BRPF3: variants seen among roughly 807,000 people sequenced by gnomAD.
BRPF3 encodes the protein bromodomain and PHD finger-containing protein 3.
Under a neutral mutation model 102.0 loss-of-function variants are expected in BRPF3, and 18 were observed. The ratio of observed to expected loss-of-function variants is 0.18; its 90% CI spans 0.12 to 0.26. The LOEUF (loss-of-function observed/expected upper bound fraction) is 0.26. Among genes scored for constraint, BRPF3 ranks in the 10% least tolerant of loss-of-function variants. BRPF3 has a pLI of 1.00. For synonymous variants in BRPF3, 570 were observed against 614.2 expected (o/e 0.93, Z 1.06); for missense variants, 1,147 against 1,567.8 (o/e 0.73, Z 4.53).
Position 36,210,213 on chromosome 6 carries a change from T to C in BRPF3, c.1867-3T>C. 2.5e-6 allele frequency: 4 copies of C among 1,614,176 alleles called. No individual in the cohort carries two copies. The highest frequency in any genetic ancestry group is 3.4e-6 in the Non-Finnish European group (4 of 1,179,994). On this transcript the variant is annotated splice_region_variant and splice_polypyrimidine_tract_variant and intron_variant, in intron 5 of 12. Transcript: ENST00000357641. This position sits in a 1 kb window ranked among gnomAD's most constrained non-coding sequence, Gnocchi z 4.7. ...TGTAATTGTACAGGTTTTATATGTT[T>C]AGGTTCCAGATTACCTGGAATTCAT... is the stretch of plus-strand genomic sequence containing the variant.
Position 36,210,428 on chromosome 6 carries a change from C to T in BRPF3, c.2079C>T (p.Ala693=). 6.2e-7 allele frequency: 1 copy of T among 1,613,312 alleles called. No homozygotes were observed. The highest frequency in any genetic ancestry group is 1.1e-5 in the South Asian group (1 of 91,076). Residue 693 remains alanine, a synonymous_variant, in exon 6 of 13, where the codon GCC becomes GCT. Coordinates refer to ENST00000357641, the MANE Select transcript of BRPF3 (RefSeq NM_015695.3). This position sits in a 1 kb window ranked among gnomAD's most constrained non-coding sequence, Gnocchi z 4.7. ...RDLGGAILRH[A]RRQAENIGYD... ...TGGGAGGGGCCATCCTACGGCACGC[C>T]CGGCGGCAGGCAGAGAACATCGGCT...
Position 36,225,346 on chromosome 6 carries a change from C to T in BRPF3, c.3261C>T (p.Tyr1087=). Residue 1087 remains tyrosine, a synonymous_variant, in exon 11 of 13, where the codon TAC becomes TAT. Transcript: ENST00000357641. Reference sequence around the variant, plus strand: ...TGGTGTGGGCCAAGTGCCGAGGCTACCCCTCCTACCCTGCCTTGGTGAGTC... The same window carrying T: ...TGGTGTGGGCCAAGTGCCGAGGCTATCCCTCCTACCCTGCCTTGGTGAGTC... ...LELVWAKCRG[Y]PSYPALIIDP... The T allele has an allele frequency of 1.2e-6, 2 of 1,610,340 alleles. No homozygotes were observed. The highest frequency in any genetic ancestry group is 1.7e-6 in the Non-Finnish European group (2 of 1,180,000).
intron 2 of BRPF3, among the ~76,000 whole-genome samples, chr6:36,202,420 C>CG (rs1554128014): frequency 1.3e-4 from 19 of 142,832 alleles, no homozygotes; most frequent in African/African-American, 3.1e-4. Context: ...ACCCCCCCCC[C>CG]CTCCGCCCCC....
At chr6:36,207,498 T>C in intron 4 of BRPF3, 54 bp downstream of exon 4, 1 of 1,598,540 alleles carries the variant, frequency 6.3e-7, no homozygotes, top group South Asian at 1.1e-5. Context: ...TTTCTCCCAC[T>C]ATTAGTCTAG....
At position 36,232,590 on chromosome 6, in the gene BRPF3, G is replaced by A. The variant is rs1047746863; in HGVS notation, c.*1981G>A. On this transcript the variant is annotated 3_prime_UTR_variant, in exon 13 of 13. Transcript: ENST00000357641. ...CCTATGTGTCTCTGTCGCGTCTGCT[G>A]TGAAGCACATGATGCTCTATTTATT... is the stretch of plus-strand genomic sequence containing the variant. 6.6e-6 allele frequency: 1 copy of A among 152,624 alleles called. No individual in the cohort carries two copies. Among genetic ancestry groups the A allele is most frequent in the Non-Finnish European group, 1.5e-5 (1 of 68,050 alleles). The allele number at this position is 152,624 out of a possible 1,614,324, so 9.5% of individuals were successfully genotyped here.
At position 36,210,341 on chromosome 6, in the gene BRPF3, C is replaced by T; in HGVS notation, c.1992C>T (p.Asn664=). 6.2e-7 allele frequency: 1 copy of T among 1,614,260 alleles called. No homozygotes were observed. Among genetic ancestry groups the T allele is most frequent in the Non-Finnish European group, 8.5e-7 (1 of 1,180,046 alleles). ...AGGACTTTAACCTTATAGTTACCAA[C>T]TGCATGAAGTATAATGCTAAAGACA... The part of the protein sequence containing the change: ...FEEDFNLIVT[N]CMKYNAKDTI... The change falls in exon 6 of 13, where the codon AAC becomes AAT. Residue 664 remains asparagine, a synonymous_variant. Coordinates refer to ENST00000357641, the MANE Select transcript of BRPF3 (RefSeq NM_015695.3). The surrounding 1 kb of genome is among the most constrained non-coding windows in gnomAD (Gnocchi z 4.7).
chr6:36,207,207 A>G (rs760543349), intron 3 of BRPF3, 106 bp from the exon 4 acceptor site: 183 of 1,453,622 alleles, frequency 1.3e-4, no homozygotes, highest in Middle Eastern at 7.7e-4. Flanking sequence ...CTGTGGGTCA[A>G]GGAAGGGGAC....
intron 12 of BRPF3, among the ~76,000 whole-genome samples, chr6:36,229,703 A>G (rs972805090): frequency 2.0e-5 from 3 of 152,236 alleles, no homozygotes; most frequent in Admixed American, 6.5e-5. Context: ...CTTAGCTTCT[A>G]TAGAGTGAGG....
chr6:36,200,461 G>A lies in BRPF3; in HGVS notation c.139G>A (p.Gly47Arg), dbSNP rs774759129. ...AQRIVEVDID[G>R]RLHRISIYDP... ...GCGGATTGTCGAGGTAGACATTGAT[G>A]GACGCCTGCATCGTATCAGCATCTA... is the stretch of plus-strand genomic sequence containing the variant. Residue 47 changes from glycine to arginine, a missense_variant, in exon 2 of 13, where the codon GGA (glycine) becomes AGA (arginine). Physicochemically the swap from Gly to Arg is moderately radical, Grantham distance 125. Around this residue, in one of 11 missense-constraint regions of BRPF3, gnomAD observed 221 missense variants for 337.1 expected, o/e 0.66. Coordinates refer to ENST00000357641, the MANE Select transcript of BRPF3 (RefSeq NM_015695.3). The surrounding 1 kb of genome is among the most constrained non-coding windows in gnomAD (Gnocchi z 5.3). The A allele has an allele frequency of 1.2e-6, 2 of 1,614,232 alleles. No homozygotes were observed. The highest frequency in any genetic ancestry group is 2.2e-5 in the South Asian group (2 of 91,078).
At chr6:36,215,533 C>G (rs1304772540) in intron 8 of BRPF3, among the ~76,000 whole-genome samples, 1 of 152,204 alleles carries the variant, frequency 6.6e-6, no homozygotes, top group East Asian at 1.9e-4. Context: ...ATGAGTCTCT[C>G]AAAATGTAGA....
At chr6:36,212,897 G>A (rs536505228) in intron 7 of BRPF3, among the ~76,000 whole-genome samples, 116 of 152,172 alleles carry the variant, frequency 7.6e-4, no homozygotes, top group Non-Finnish European at 1.6e-4. Context: ...AGCTTGCAGT[G>A]AGCCGAGATT....
chr6:36,200,315 C>G lies in BRPF3; in HGVS notation c.-8C>G. On this transcript the variant is annotated 5_prime_UTR_variant, in exon 2 of 13. Transcript: ENST00000357641. The surrounding 1 kb of genome is among the most constrained non-coding windows in gnomAD (Gnocchi z 5.3). ...TCCTTAGGCCTGTCCCCTCAGTTCC[C>G]AGGTGCCATGAGGAAGCCTCGTCGG... The G allele has an allele frequency of 1.2e-6, 2 of 1,610,764 alleles. No individual in the cohort carries two copies. Among genetic ancestry groups the G allele is most frequent in the Non-Finnish European group, 1.7e-6 (2 of 1,178,108 alleles).
In BRPF3 at chr6:36,201,818, G is replaced by C. The variant is rs766711409; in HGVS notation, c.1448+48G>C. 2 of 1,539,790 alleles carry C rather than the reference G, an allele frequency of 1.3e-6. No individual in the cohort carries two copies. The highest frequency in any genetic ancestry group is 1.3e-5 in the South Asian group (1 of 77,794). On this transcript the variant is annotated intron_variant, in intron 2 of 12. Coordinates refer to ENST00000357641, the MANE Select transcript of BRPF3 (RefSeq NM_015695.3). The surrounding 1 kb of genome is among the most constrained non-coding windows in gnomAD (Gnocchi z 5.1). ...CTTAGGGACTCATGGTTTCTTCTTG[G>C]GTTGGTGTTGGCCCTGTGCCAGGCC...
intron 2 of BRPF3, among the ~76,000 whole-genome samples, chr6:36,203,539 TG>T (rs913780419): frequency 1.3e-5 from 2 of 152,184 alleles, no homozygotes; most frequent in African/African-American, 4.8e-5. Context: ...ATCTGTCCTT[TG>T]GGGAGAGGCC....
rs1459668489 is a variant in BRPF3 at position 36,204,683 on chromosome 6, T to C, written c.1474T>C (p.Ser492Pro). The part of the protein sequence containing the change: ...YRLNKICSGL[S>P]FQRKNQFMQR... ...GTTGAACAAGATCTGTAGTGGTCTC[T>C]CCTTTCAGAGGAAAAACCAGTTTAT... Residue 492 changes from serine to proline, a missense_variant, in exon 3 of 13, where the codon TCC becomes CCC. Around this residue, in one of 11 missense-constraint regions of BRPF3, gnomAD observed 157 missense variants for 163.6 expected, o/e 0.96. Coordinates refer to ENST00000357641, the MANE Select transcript of BRPF3 (RefSeq NM_015695.3). 4 of 1,614,094 alleles carry C rather than the reference T, an allele frequency of 2.5e-6. No individual in the cohort carries two copies. The African/African-American group carries it at 4.0e-5, about 16-fold the overall frequency.
intron 12 of BRPF3, among the ~76,000 whole-genome samples, chr6:36,229,535 G>A (rs1282172472): frequency 6.6e-6 from 1 of 152,214 alleles, no homozygotes; most frequent in Non-Finnish European, 1.5e-5. Context: ...ACTCAGATGA[G>A]AGCCTGTGAG....
chr6:36,221,048 AT>A (rs543653852), intron 9 of BRPF3, among the ~76,000 whole-genome samples: 2 of 152,178 alleles, frequency 1.3e-5, no homozygotes, highest in Non-Finnish European at 2.9e-5. Flanking sequence ...GAGTAATATT[AT>A]TTTTTGAAGT....
intron 11 of BRPF3, 38 bp downstream of exon 11, chr6:36,225,402 G>C (rs1157006135): frequency 6.4e-7 from 1 of 1,553,268 alleles, no homozygotes; most frequent in Non-Finnish European, 8.8e-7. Flanking sequence ...TATCTCCCCT[G>C]CCTTGCCTTG....
chr6:36,220,462 T>C (rs950589262), intron 9 of BRPF3, among the ~76,000 whole-genome samples: 9 of 152,212 alleles, frequency 5.9e-5, no homozygotes, highest in East Asian at 3.8e-4. Context: ...GTTACAGAAC[T>C]GATAACAAGA....
Sources: gnomAD v4.1 joint callset for allele counts (sites outside exome capture counted in the v4.1 genomes callset) on GRCh38, gnomAD v4.1.1 for gene constraint, gnomAD v4.1.1 regional missense constraint, Gnocchi (gnomAD v3.1) non-coding constraint, MANE v1.5 for transcripts, NCBI Gene and HGNC (gene_info 2026-07-23, HGNC 2026-07-21) for gene names.